ABCC9: variants seen among roughly 807,000 people sequenced by gnomAD.
ABCC9 encodes the protein ATP binding cassette subfamily C member 9.
In ABCC9, 95 loss-of-function variants were observed where a neutral mutation model predicts 188.3. That is an observed-to-expected ratio of 0.50 (90% confidence interval 0.43 to 0.60). The LOEUF is 0.60. Ranked by LOEUF, ABCC9 falls within the 20% of genes least tolerant of loss-of-function variation. The pLI is 0.00. For synonymous variants in ABCC9, 659 were observed against 652.7 expected, an observed-to-expected ratio of 1.01 and a Z score of -0.15; for missense variants, 1,102 against 1,876.3, an observed-to-expected ratio of 0.59 and a Z score of 7.62.
At chr12:21,853,525 G>A (rs1323107984) in intron 22 of ABCC9, among the ~76,000 whole-genome samples, 2 of 151,758 alleles carry the variant, frequency 1.3e-5, no homozygotes, top group Admixed American at 6.6e-5. Flanking sequence ...GTTGTTCTAG[G>A]GAGAATGTTT....
intron 14 of ABCC9, among the ~76,000 whole-genome samples, chr12:21,891,357 T>G (rs1339598827): frequency 6.6e-6 from 1 of 151,754 alleles, no homozygotes; most frequent in East Asian, 2.0e-4. Context: ...CTTCGAGCAT[T>G]TTATTATTTT....
chr12:21,906,582 A>G (rs1948059660), intron 11 of ABCC9, among the ~76,000 whole-genome samples: 1 of 152,130 alleles, frequency 6.6e-6, no homozygotes, highest in Non-Finnish European at 1.5e-5. Flanking sequence ...ATTTCCTTGA[A>G]TCATGTCTGC....
intron 36 of ABCC9, 76 bp downstream of exon 36, chr12:21,811,973 G>T: frequency 9.8e-7 from 1 of 1,021,778 alleles, no homozygotes; most frequent in Non-Finnish European, 1.6e-6. Context: ...CCTGAAAAAT[G>T]ACTCTGAGTA....
At chr12:21,873,987 A>C (rs1946209916) in intron 17 of ABCC9, among the ~76,000 whole-genome samples, 1 of 152,162 alleles carries the variant, frequency 6.6e-6, no homozygotes, top group Non-Finnish European at 1.5e-5. Flanking sequence ...ACAGGCAATA[A>C]AACCAAAAAT....
At chr12:21,842,575 C>CTTTGGTAGTTAA in intron 28 of ABCC9, 104 bp from the exon 29 acceptor site, 1 of 1,140,420 alleles carries the variant, frequency 8.8e-7, no homozygotes, top group Non-Finnish European at 1.3e-6. Context: ...CAGTTAACTA[C>CTTTGGTAGTTAA]CAAAGTAGTG....
At chr12:21,873,306 GT>G (rs1370945071) in intron 17 of ABCC9, among the ~76,000 whole-genome samples, 5 of 152,058 alleles carry the variant, frequency 3.3e-5, no homozygotes, top group Admixed American at 2.0e-4. Flanking sequence ...GGATAGTATT[GT>G]TTTCTTAATT....
At chr12:21,877,511 G>A (rs899296052) in intron 16 of ABCC9, among the ~76,000 whole-genome samples, 2 of 152,148 alleles carry the variant, frequency 1.3e-5, no homozygotes, top group Non-Finnish European at 2.9e-5. Context: ...ATGACAAATG[G>A]CATGCAAAGA....
rs776262076 is a variant in ABCC9 at position 21,842,382 on chromosome 12, G to A, written c.3405C>T (p.Phe1135=). Residue 1135 remains phenylalanine, a synonymous_variant, in exon 29 of 40, where the codon TTC becomes TTT. Transcript: ENST00000261200. The stretch of plus-strand genomic sequence containing the variant: ...CACCAAGGGGCAGGAGAGCAACCAG[G>A]AACACAGGAGTAGCATAAGAAATCA... The part of the protein sequence containing the change: ...IGMISYATPV[F]LVALLPLGVA... 1 of 1,614,130 alleles carries A rather than the reference G, an allele frequency of 6.2e-7. No homozygotes were observed. The highest frequency in any genetic ancestry group is 1.1e-5 in the South Asian group (1 of 91,084).
At chr12:21,915,514 A>ATATATATTTTTTTTT in intron 7 of ABCC9, among the ~76,000 whole-genome samples, 154 bp downstream of exon 7, 5 of 3,516 alleles carry the variant, frequency 1.4e-3, no homozygotes, top group Admixed American at 6.7e-3. Flanking sequence ...ATATATATAT[A>ATATATATTTTTTTTT]TTTTTTTTTT....
intron 29 of ABCC9, among the ~76,000 whole-genome samples, chr12:21,840,755 A>G (rs538407341): frequency 8.4e-4 from 128 of 152,376 alleles, no homozygotes; most frequent in African/African-American, 2.9e-3. Context: ...AGCAAAGACG[A>G]TGAGTCTAGG....
chr12:21,938,198 G>T (rs1949569523), intron 2 of ABCC9: 1 of 152,182 alleles, frequency 6.6e-6, no homozygotes, highest in African/African-American at 2.4e-5. Flanking sequence ...AAGAGTCTGT[G>T]TATTTACAAT....
At chr12:21,934,241 G>T (rs1472490270) in intron 3 of ABCC9, among the ~76,000 whole-genome samples, 1 of 151,838 alleles carries the variant, frequency 6.6e-6, no homozygotes, top group Non-Finnish European at 1.5e-5. Flanking sequence ...TAATTCAAAA[G>T]GAAATAAGTT....
At chr12:21,843,111 T>C (rs11046207) in intron 28 of ABCC9, among the ~76,000 whole-genome samples, 7,829 of 152,220 alleles carry the variant, frequency 0.051, 327 homozygotes, top group South Asian at 0.11. Context: ...TTTTCCTTAT[T>C]GTTTCTGAGT....
intron 3 of ABCC9, among the ~76,000 whole-genome samples, chr12:21,936,025 A>G (rs1409029661): frequency 6.6e-6 from 1 of 152,130 alleles, no homozygotes; most frequent in Non-Finnish European, 1.5e-5. Flanking sequence ...CATGCTTGGC[A>G]TCTTCCAGTT....
At chr12:21,844,723 T>A in intron 27 of ABCC9, 44 bp downstream of exon 27, 3 of 1,609,952 alleles carry the variant, frequency 1.9e-6, no homozygotes, top group Non-Finnish European at 2.6e-6. Flanking sequence ...AATGCATATT[T>A]TTATTATTTT....
chr12:21,869,304 CT>C (rs1186022888), intron 18 of ABCC9, among the ~76,000 whole-genome samples: 2 of 152,176 alleles, frequency 1.3e-5, no homozygotes, highest in Non-Finnish European at 2.9e-5. Context: ...AATCTATTCA[CT>C]TTGGTTCATT....
At chr12:21,889,942 A>G (rs892861897) in intron 14 of ABCC9, among the ~76,000 whole-genome samples, 3 of 152,018 alleles carry the variant, frequency 2.0e-5, no homozygotes, top group African/African-American at 7.3e-5. Flanking sequence ...TCCAGCACTG[A>G]TGTTTTGTCA....
At chr12:21,820,318 A>G (rs571210775) in intron 31 of ABCC9, among the ~76,000 whole-genome samples, 1 of 152,100 alleles carries the variant, frequency 6.6e-6, no homozygotes, top group East Asian at 1.9e-4. Context: ...AGTTTGAGGC[A>G]AGGTACTTCT....
chr12:21,816,549 G>A (rs1319106736), intron 33 of ABCC9, among the ~76,000 whole-genome samples: 1 of 152,116 alleles, frequency 6.6e-6, no homozygotes, highest in Non-Finnish European at 1.5e-5. Flanking sequence ...TATGTACATA[G>A]GAGAATAAAG....
Sources: allele counts gnomAD v4.1 joint callset (sites outside exome capture counted in the v4.1 genomes callset), GRCh38; gene constraint gnomAD v4.1.1; transcripts MANE v1.5; gene names NCBI Gene and HGNC (gene_info 2026-07-23, HGNC 2026-07-21).